Variants in SCHIP1 observed in about 807,000 individuals in gnomAD.
SCHIP1 encodes schwannomin-interacting protein 1.
In SCHIP1, 8 loss-of-function variants were observed where a neutral mutation model predicts 29.7. The ratio of observed to expected loss-of-function variants is 0.27; its 90% confidence interval spans 0.16 to 0.49. The LOEUF (loss-of-function observed/expected upper bound fraction) is 0.49. Among genes scored for constraint, SCHIP1 ranks in the 20% least tolerant of loss-of-function variants. SCHIP1 has a pLI of 0.99. For missense variants in SCHIP1, 193 were observed against 294.6 expected, an observed-to-expected ratio of 0.66 and a Z score of 2.52; for synonymous variants, 76 against 94.9, an observed-to-expected ratio of 0.80 and a Z score of 1.16.
chr3:159,870,513 T>G (rs1214763909), intron 2 of SCHIP1, among the ~76,000 whole-genome samples: 1 of 152,032 alleles, frequency 6.6e-6, no homozygotes, highest in Non-Finnish European at 1.5e-5. Flanking sequence ...ATCTATTATA[T>G]GAATTAATGA....
chr3:159,873,553 C>T (rs933162485), intron 2 of SCHIP1, among the ~76,000 whole-genome samples: 3 of 152,130 alleles, frequency 2.0e-5, no homozygotes, highest in Non-Finnish European at 4.4e-5. Context: ...GCTAGGCTTA[C>T]AATAATCCCA....
chr3:159,417,477 C>T, the SCHIP1 span, among the ~76,000 whole-genome samples: 4 of 152,186 alleles, frequency 2.6e-5, no homozygotes, highest in Non-Finnish European at 5.9e-5. Flanking sequence ...ACCAATCCCA[C>T]CCACCTCCAC....
the SCHIP1 span, among the ~76,000 whole-genome samples, chr3:159,541,084 A>T: frequency 1.3e-5 from 2 of 152,118 alleles, no homozygotes; most frequent in African/African-American, 2.4e-5. Context: ...CTCCTCAGCC[A>T]TATTCTTGAG....
At chr3:159,274,472 A>T in the SCHIP1 span, 12 of 739,896 alleles carry the variant, frequency 1.6e-5, no homozygotes, top group East Asian at 1.3e-4. Flanking sequence ...ATAAAATTAT[A>T]TATGGGCTAT....
the SCHIP1 span, among the ~76,000 whole-genome samples, chr3:159,564,093 T>C: frequency 5.9e-5 from 9 of 152,150 alleles, no homozygotes; most frequent in African/African-American, 1.9e-4. Context: ...ACTAAAACTT[T>C]ACTTTCTTCA....
chr3:159,727,233 C>T, the SCHIP1 span, among the ~76,000 whole-genome samples: 790 of 152,256 alleles, frequency 5.2e-3, 10 homozygotes, highest in South Asian at 0.026. Context: ...TCAAGAATTC[C>T]GAGTTTTTTC....
At chr3:159,815,859 C>G in the SCHIP1 span, among the ~76,000 whole-genome samples, 9 of 152,064 alleles carry the variant, frequency 5.9e-5, no homozygotes, top group African/African-American at 2.2e-4. Context: ...CTCCCCTTCC[C>G]ATCCCAGATG....
At chr3:159,410,599 T>C in the SCHIP1 span, among the ~76,000 whole-genome samples, 20 of 152,188 alleles carry the variant, frequency 1.3e-4, no homozygotes, top group South Asian at 3.5e-3. Flanking sequence ...TCAGTTAAAA[T>C]GTCCTTTATC....
chr3:159,418,798 G>A, the SCHIP1 span, among the ~76,000 whole-genome samples: 1 of 55,322 alleles, frequency 1.8e-5, no homozygotes, highest in Non-Finnish European at 3.5e-5. Flanking sequence ...AGCCTCAGGG[G>A]GAACAGATGG....
At chr3:159,675,355 A>T in the SCHIP1 span, among the ~76,000 whole-genome samples, 1 of 152,236 alleles carries the variant, frequency 6.6e-6, no homozygotes, top group South Asian at 2.1e-4. Flanking sequence ...GATGTATTCT[A>T]ATGCTTCTCT....
At chr3:159,700,370 T>C in the SCHIP1 span, among the ~76,000 whole-genome samples, 1 of 152,214 alleles carries the variant, frequency 6.6e-6, no homozygotes, top group Non-Finnish European at 1.5e-5. Context: ...AGATAGATTA[T>C]AGAATAAAAT....
chr3:159,295,852 A>AT, the SCHIP1 span, among the ~76,000 whole-genome samples: 1 of 152,310 alleles, frequency 6.6e-6, no homozygotes, highest in East Asian at 1.9e-4. Flanking sequence ...TATTCCATAA[A>AT]TTTTTTGAAT....
At position 159,853,073 on chromosome 3, in the gene SCHIP1, G is replaced by A. The variant is rs964214983; in HGVS notation, c.30+12859G>A. On this transcript the variant is annotated intron_variant, in intron 1 of 6. Transcript: ENST00000445224. ...AGGTGCTGTGGAGAGGAATTGGGGC[G>A]GGATCATTCAGGGGAAGGTGACAGC... The A allele has an allele frequency of 5.7e-5, 15 of 263,336 alleles. No homozygotes were observed. The Admixed American group carries it at 7.1e-4, about 12-fold the overall frequency. 16.3% of individuals were successfully genotyped at this position (263,336 alleles called of 1,614,324 possible). A position where few individuals can be genotyped will look rare whatever the true frequency, so the allele number is the denominator to read the frequency against.
chr3:159,802,395 A>T, the SCHIP1 span, among the ~76,000 whole-genome samples: 1 of 152,264 alleles, frequency 6.6e-6, no homozygotes, highest in East Asian at 1.9e-4. Context: ...TTTAATTGAT[A>T]GCAGACATTT....
chr3:159,529,205 G>A, the SCHIP1 span, among the ~76,000 whole-genome samples: 1 of 152,136 alleles, frequency 6.6e-6, no homozygotes, highest in Non-Finnish European at 1.5e-5. Context: ...AAAAACAGTG[G>A]TAACTTCAGG....
the SCHIP1 span, among the ~76,000 whole-genome samples, chr3:159,484,632 A>G: frequency 2.2e-4 from 34 of 152,298 alleles, no homozygotes; most frequent in Non-Finnish European, 4.0e-4. Flanking sequence ...TTGAAAAGTC[A>G]AACGAGAAAC....
chr3:159,764,293 G>A, the SCHIP1 span: 2 of 881,290 alleles, frequency 2.3e-6, no homozygotes, highest in South Asian at 2.4e-5. The surrounding 1 kb of genome is among the most constrained non-coding windows in gnomAD (Gnocchi z 6.1). Flanking sequence ...TCAGGCTGGT[G>A]CTGGCTCCCG....
chr3:159,699,222 C>T, the SCHIP1 span, among the ~76,000 whole-genome samples: 1 of 152,154 alleles, frequency 6.6e-6, no homozygotes, highest in Admixed American at 6.5e-5. Context: ...GGCATTTGCT[C>T]TATCACATTT....
chr3:159,652,216 A>C, the SCHIP1 span, among the ~76,000 whole-genome samples: 1 of 152,176 alleles, frequency 6.6e-6, no homozygotes, highest in Non-Finnish European at 1.5e-5. Context: ...TTGTTAGAAC[A>C]CCTTCAATAT....
Sources: gnomAD v4.1 joint callset for allele counts (sites outside exome capture counted in the v4.1 genomes callset) on GRCh38, gnomAD v4.1.1 for gene constraint, Gnocchi (gnomAD v3.1) non-coding constraint, MANE v1.5 for transcripts, NCBI Gene and HGNC (gene_info 2026-07-23, HGNC 2026-07-21) for gene names.